The following ACOXL variants were observed in gnomAD, a reference collection of about 807,000 sequenced individuals.
The protein encoded by ACOXL is acyl-CoA oxidase like, also known as acyl-coenzyme A oxidase-like protein.
In ACOXL, 70 loss-of-function variants were observed where a neutral mutation model predicts 71.9. The observed-to-expected ratio is 0.97, with a 90% CI of 0.80 to 1.19. The LOEUF is 1.19. Among genes scored for constraint, ACOXL ranks in the 50% most tolerant of loss-of-function variants. The pLI is 0.00. For synonymous variants in ACOXL, 253 were observed against 281.6 expected (o/e 0.90, Z 1.02); for missense variants, 703 against 736.3 (o/e 0.95, Z 0.52).
chr2:111,031,666 TCGTGTCTGCACCA>T lies in ACOXL; in HGVS notation c.1326_1338del (p.Cys442TrpfsTer14). The T allele has an allele frequency of 6.2e-7, 1 of 1,614,210 alleles. No individual in the cohort carries two copies. Among genetic ancestry groups the T allele is most frequent in the South Asian group, 1.1e-5 (1 of 91,082 alleles). On this transcript the variant is annotated frameshift_variant, in exon 15 of 18. Coordinates refer to ENST00000439055, the MANE Select transcript of ACOXL (RefSeq NM_001142807.4). LOFTEE classifies it high-confidence loss of function. ...GGAGGATTTTTTCCATGCCTGGAAC[TCGTGTCTGCACCA>T]CGTGGCTTCTCTGTCCCTGGCACAC...
intron 10 of ACOXL, among the ~76,000 whole-genome samples, chr2:110,904,741 A>C (rs994853280): frequency 6.6e-6 from 1 of 152,160 alleles, no homozygotes; most frequent in African/African-American, 2.4e-5. Flanking sequence ...AAGAGCCTTT[A>C]TTGTGGTTTC....
At chr2:110,849,024 G>A (rs540353178) in intron 10 of ACOXL, among the ~76,000 whole-genome samples, 5 of 152,244 alleles carry the variant, frequency 3.3e-5, no homozygotes, top group East Asian at 3.9e-4. Flanking sequence ...GTCTCTCGCC[G>A]ACCAGTGAAC....
chr2:111,095,582 G>C (rs1291615349), intron 17 of ACOXL, among the ~76,000 whole-genome samples: 4 of 149,154 alleles, frequency 2.7e-5, no homozygotes, highest in African/African-American at 1.0e-4. Context: ...GTAGAGACAG[G>C]GTTTCGCCAT....
intron 16 of ACOXL, among the ~76,000 whole-genome samples, chr2:111,062,436 T>C (rs1438737488): frequency 2.6e-5 from 4 of 152,054 alleles, no homozygotes; most frequent in African/African-American, 9.7e-5. Context: ...TCAAAACACA[T>C]AAAAAATCTT....
intron 11 of ACOXL, among the ~76,000 whole-genome samples, chr2:110,919,429 G>A (rs2059986248): frequency 6.6e-6 from 1 of 151,962 alleles, no homozygotes; most frequent in African/African-American, 2.4e-5. Context: ...CAAGGGGAGG[G>A]ATAGCATTAG....
intron 10 of ACOXL, among the ~76,000 whole-genome samples, chr2:110,867,985 A>G (rs375531981): frequency 3.1e-4 from 47 of 150,234 alleles, no homozygotes; most frequent in African/African-American, 1.1e-3. Context: ...CTGGTCTTGA[A>G]CTCCTGACCT....
intron 2 of ACOXL, among the ~76,000 whole-genome samples, chr2:110,778,386 CA>C (rs1312304976): frequency 1.3e-5 from 2 of 152,058 alleles, no homozygotes; most frequent in Non-Finnish European, 2.9e-5. Context: ...TTCTATTGTC[CA>C]AAAATAATGC....
At chr2:110,762,106 G>A (rs985421002) in intron 1 of ACOXL, among the ~76,000 whole-genome samples, 1 of 151,904 alleles carries the variant, frequency 6.6e-6, no homozygotes, top group Non-Finnish European at 1.5e-5. Flanking sequence ...TGCTATCTTT[G>A]GTGATGTTCT....
intron 3 of ACOXL, among the ~76,000 whole-genome samples, chr2:110,791,931 C>T (rs1020396341): frequency 6.6e-6 from 1 of 152,136 alleles, no homozygotes; most frequent in African/African-American, 2.4e-5. Flanking sequence ...GTGTGCAGGA[C>T]CTGGTCTCTG....
chr2:111,098,655 GT>G (rs931869420), intron 17 of ACOXL: 8 of 152,278 alleles, frequency 5.3e-5, no homozygotes, highest in African/African-American at 1.9e-4. Context: ...TGGTTTCCTA[GT>G]TTTTACAATG....
Position 111,106,417 on chromosome 2 carries a change from C to CT in ACOXL, c.1543-11189dup, listed in dbSNP as rs143791406. On this transcript the variant is annotated intron_variant, in intron 17 of 17. Transcript: ENST00000439055. ...AAGATTTTCTGTTTCTTTGCTGAAA[C>CT]TTTTTTTTTTCATTGATTTCAAGTG... Among the ~76,000 whole-genome samples the CT allele has an allele frequency of 8.9e-4, 133 of 150,158 alleles. 1 individual carries two copies. Among genetic ancestry groups the CT allele is most frequent in the Middle Eastern group, 3.4e-3 (1 of 290 alleles).
At chr2:110,940,220 A>G (rs918849793) in intron 12 of ACOXL, among the ~76,000 whole-genome samples, 1 of 152,198 alleles carries the variant, frequency 6.6e-6, no homozygotes, top group Admixed American at 6.5e-5. Flanking sequence ...TGACCTGCTC[A>G]TGTGTTGTAG....
chr2:110,983,329 A>T (rs894056112), intron 12 of ACOXL, among the ~76,000 whole-genome samples: 1 of 152,238 alleles, frequency 6.6e-6, no homozygotes, highest in Admixed American at 6.5e-5. Flanking sequence ...GTGTTACATA[A>T]TCATGTTGCA....
chr2:110,956,677 C>T (rs1164273579), intron 12 of ACOXL, among the ~76,000 whole-genome samples: 4 of 152,170 alleles, frequency 2.6e-5, no homozygotes, highest in African/African-American at 9.7e-5. Context: ...TTTTAACTGG[C>T]CTCCTCTAAC....
Position 110,760,734 on chromosome 2 carries a change from T to C in ACOXL, c.-22-7634T>C, listed in dbSNP as rs2104904103. Among the ~76,000 whole-genome samples the C allele has an allele frequency of 4.6e-5, 7 of 152,344 alleles. No individual in the cohort carries two copies. In the South Asian group the frequency reaches 1.2e-3, roughly 27 times the overall value. On this transcript the variant is annotated intron_variant, in intron 1 of 17. Coordinates refer to ENST00000439055, the MANE Select transcript of ACOXL (RefSeq NM_001142807.4). Reference sequence around the variant, plus strand: ...ACCCGCAAGCATGGTAGTCTGAGCATATTTTTAGCTTCACTCAGGGATATT... The same window carrying C: ...ACCCGCAAGCATGGTAGTCTGAGCACATTTTTAGCTTCACTCAGGGATATT...
At chr2:111,090,725 A>G (rs1321637478) in intron 16 of ACOXL, among the ~76,000 whole-genome samples, 1 of 152,174 alleles carries the variant, frequency 6.6e-6, no homozygotes, top group African/African-American at 2.4e-5. Context: ...GCTCTCTGTG[A>G]TCAAGCAGGC....
intron 12 of ACOXL, among the ~76,000 whole-genome samples, chr2:110,973,107 AAGC>A (rs770349041): frequency 4.6e-5 from 7 of 152,208 alleles, no homozygotes; most frequent in Admixed American, 6.5e-5. Flanking sequence ...CCATAAGATA[AAGC>A]ATATGCCCAT....
chr2:110,848,653 C>A (rs751668248), intron 10 of ACOXL, among the ~76,000 whole-genome samples: 1 of 152,116 alleles, frequency 6.6e-6, no homozygotes. Context: ...TCTCCTATAC[C>A]CCTTTAGTCC....
At chr2:111,072,739 T>C (rs1308439980) in intron 16 of ACOXL, among the ~76,000 whole-genome samples, 1 of 152,230 alleles carries the variant, frequency 6.6e-6, no homozygotes, top group Non-Finnish European at 1.5e-5. Context: ...CTGCCAATTG[T>C]GGCAATCAAA....
Sources: gnomAD v4.1 joint callset for allele counts (sites outside exome capture counted in the v4.1 genomes callset) on GRCh38, gnomAD v4.1.1 for gene constraint, MANE v1.5 for transcripts, NCBI Gene and HGNC (gene_info 2026-07-23, HGNC 2026-07-21) for gene names.